EYS: variants seen among roughly 807,000 people sequenced by gnomAD.
EYS encodes the protein EGF-like photoreceptor maintenance factor, also known as protein eyes shut homolog.
Under a neutral mutation model 282.1 loss-of-function variants are expected in EYS, and 250 were observed. The ratio of observed to expected loss-of-function variants is 0.89; its 90% CI spans 0.80 to 0.98. EYS has a LOEUF of 0.98. EYS is among the 50% of genes least tolerant of loss of function. The probability of loss-of-function intolerance (pLI) is 0.00; values close to 1 mark genes in which losing one functional copy is unlikely to be tolerated. For synonymous variants in EYS, 1,355 were observed against 1,282.9 expected, an observed-to-expected ratio of 1.06 and a Z score of -1.20; for missense variants, 4,016 against 3,709.0, an observed-to-expected ratio of 1.08 and a Z score of -2.15.
At chr6:65,506,110 C>T (rs1409763958) in intron 2 of EYS, among the ~76,000 whole-genome samples, 1 of 152,074 alleles carries the variant, frequency 6.6e-6, no homozygotes, top group Admixed American at 6.6e-5. Context: ...AGAATTGATT[C>T]CCTGAAGACC....
At chr6:64,568,030 T>C (rs915155064) in intron 26 of EYS, among the ~76,000 whole-genome samples, 6 of 152,180 alleles carry the variant, frequency 3.9e-5, no homozygotes, top group African/African-American at 1.2e-4. Flanking sequence ...GTAGAGAAGA[T>C]AGATTTGAGA....
intron 29 of EYS, among the ~76,000 whole-genome samples, chr6:64,307,698 A>C (rs896512379): frequency 6.6e-6 from 1 of 152,120 alleles, no homozygotes; most frequent in African/African-American, 2.4e-5. Context: ...TTGGTGAATG[A>C]ATAGATTTTA....
At chr6:64,055,698 G>T (rs1379048868) in intron 33 of EYS, among the ~76,000 whole-genome samples, 3 of 152,078 alleles carry the variant, frequency 2.0e-5, no homozygotes, top group African/African-American at 4.8e-5. Context: ...AGAATTTTGT[G>T]GTTTTGGTAT....
chr6:64,704,951 C>T (rs62418862), intron 22 of EYS, among the ~76,000 whole-genome samples: 9,446 of 151,936 alleles, frequency 0.062, 365 homozygotes, highest in East Asian at 0.15. Flanking sequence ...CACTTCTATT[C>T]AACATAGTAC....
intron 22 of EYS, among the ~76,000 whole-genome samples, chr6:64,756,917 C>T (rs955709920): frequency 4.6e-5 from 7 of 150,892 alleles, no homozygotes; most frequent in Admixed American, 1.3e-4. Context: ...TGTGATACTC[C>T]CTGATGAAGT....
intron 11 of EYS, among the ~76,000 whole-genome samples, chr6:65,306,211 T>A (rs548751643): frequency 2.0e-5 from 3 of 152,244 alleles, no homozygotes; most frequent in Non-Finnish European, 4.4e-5. Flanking sequence ...CCACCTGTCA[T>A]GTTGGCTCCT....
intron 8 of EYS, among the ~76,000 whole-genome samples, chr6:65,377,007 C>T (rs1216892921): frequency 6.6e-6 from 1 of 152,134 alleles, no homozygotes. Flanking sequence ...TTGAACTCAC[C>T]TCTGGACCAA....
intron 22 of EYS, among the ~76,000 whole-genome samples, chr6:64,661,478 A>C (rs1429418704): frequency 6.6e-6 from 1 of 152,212 alleles, no homozygotes; most frequent in Non-Finnish European, 1.5e-5. Context: ...AAATTTTTGC[A>C]ATCTACTCAT....
intron 13 of EYS, among the ~76,000 whole-genome samples, chr6:65,006,503 CAAAAAAA>C (rs59057058): frequency 2.4e-5 from 2 of 83,300 alleles, no homozygotes; most frequent in African/African-American, 9.6e-5. Flanking sequence ...TATTCTAAGT[CAAAAAAA>C]AAAAAAAAAA....
At chr6:64,260,387 T>C (rs946480928) in intron 30 of EYS, among the ~76,000 whole-genome samples, 11 of 152,088 alleles carry the variant, frequency 7.2e-5, no homozygotes, top group African/African-American at 2.7e-4. Flanking sequence ...GTGGATTTCA[T>C]CCTAACTAAT....
In EYS at chr6:63,788,254, G is replaced by A. The variant is rs948852415; in HGVS notation, c.7579-5C>T. On this transcript the variant is annotated splice_region_variant and splice_polypyrimidine_tract_variant and intron_variant, in intron 38 of 42. Transcript: ENST00000503581. Reference sequence around the variant, plus strand: ...TTTATTTTTATGATCATCTACCTTCGAAAGGGAAAAAAAACCTATTAAAAA... The same window carrying A: ...TTTATTTTTATGATCATCTACCTTCAAAAGGGAAAAAAAACCTATTAAAAA... 9.2e-6 allele frequency: 14 copies of A among 1,520,982 alleles called. No homozygotes were observed. Among genetic ancestry groups the A allele is most frequent in the African/African-American group, 7.1e-5 (5 of 70,894 alleles). 94.2% of individuals were successfully genotyped at this position (1,520,982 alleles called of 1,614,324 possible).
chr6:63,968,114 A>G (rs1766389953), intron 35 of EYS, among the ~76,000 whole-genome samples: 1 of 152,104 alleles, frequency 6.6e-6, no homozygotes, highest in South Asian at 2.1e-4. Flanking sequence ...ATAAAGAAAG[A>G]CCTTTGTAAC....
chr6:64,706,090 C>T (rs542061776), intron 22 of EYS, among the ~76,000 whole-genome samples: 1 of 150,612 alleles, frequency 6.6e-6, no homozygotes, highest in South Asian at 2.1e-4. Context: ...GCCATAGTCA[C>T]CAAAACGGCA....
intron 4 of EYS, among the ~76,000 whole-genome samples, chr6:65,493,862 A>C (rs966242685): frequency 6.6e-6 from 1 of 152,172 alleles, no homozygotes; most frequent in African/African-American, 2.4e-5. Context: ...TCCATTTAAA[A>C]CATTGCTCTT....
intron 2 of EYS, among the ~76,000 whole-genome samples, chr6:65,555,406 A>AATG (rs2127338542): frequency 6.6e-6 from 1 of 152,256 alleles, no homozygotes; most frequent in African/African-American, 2.4e-5. Context: ...TGACTGCTTA[A>AATG]ATGATCTATT....
intron 12 of EYS, among the ~76,000 whole-genome samples, chr6:65,265,979 T>C (rs1767742818): frequency 6.6e-6 from 1 of 151,936 alleles, no homozygotes; most frequent in South Asian, 2.1e-4. Context: ...TTTTTTCATC[T>C]ATTTCTTTAG....
intron 33 of EYS, among the ~76,000 whole-genome samples, chr6:64,029,756 TC>T (rs1462554474): frequency 6.6e-6 from 1 of 152,072 alleles, no homozygotes. Context: ...GTAAGCCTCT[TC>T]CCCCAGGGAC....
At chr6:65,499,119 A>G (rs2127275391) in intron 2 of EYS, among the ~76,000 whole-genome samples, 1 of 152,154 alleles carries the variant, frequency 6.6e-6, no homozygotes, top group African/African-American at 2.4e-5. Flanking sequence ...GAACTGTATC[A>G]CTTTTATAGT....
At chr6:65,706,759 T>C (rs979495192) in intron 1 of EYS, among the ~76,000 whole-genome samples, 2 of 152,154 alleles carry the variant, frequency 1.3e-5, no homozygotes, top group African/African-American at 4.8e-5. Context: ...AATTGACATT[T>C]CATGGCCCTA....
Sources: allele counts gnomAD v4.1 joint callset (sites outside exome capture counted in the v4.1 genomes callset), GRCh38; gene constraint gnomAD v4.1.1; transcripts MANE v1.5; gene names NCBI Gene and HGNC (gene_info 2026-07-23, HGNC 2026-07-21).